The following HMGN3 variants were observed in gnomAD, a reference collection of about 807,000 sequenced individuals.
The protein encoded by HMGN3 is high mobility group nucleosome-binding domain-containing protein 3.
In HMGN3, 6 loss-of-function variants were observed where a neutral mutation model predicts 18.8. The observed-to-expected ratio is 0.32, with a 90% CI of 0.18 to 0.63. The LOEUF (loss-of-function observed/expected upper bound fraction) is 0.63, where lower values mean the gene tolerates loss of function less well. HMGN3 is among the 30% of genes least tolerant of loss of function. The probability of loss-of-function intolerance (pLI) is 0.79; values close to 1 mark genes in which losing one functional copy is unlikely to be tolerated. For synonymous variants in HMGN3, 40 were observed against 36.5 expected (o/e 1.10, Z -0.35); for missense variants, 107 against 114.2 (o/e 0.94, Z 0.29).
At chr6:79,213,490 A>G (rs1329225410) in intron 2 of HMGN3, among the ~76,000 whole-genome samples, 1 of 18,532 alleles carries the variant, frequency 5.4e-5, no homozygotes, top group Non-Finnish European at 2.2e-4. Context: ...AATCTTAAAA[A>G]CATTTAAGGT....
chr6:79,215,068 C>A (rs1776906069), intron 1 of HMGN3, 46 bp from the exon 2 acceptor site: 6 of 1,092,486 alleles, frequency 5.5e-6, no homozygotes, highest in South Asian at 1.4e-5. Flanking sequence ...TTGGAAAACA[C>A]ACATTAGAAA....
intron 1 of HMGN3, among the ~76,000 whole-genome samples, chr6:79,220,559 G>A (rs944294043): frequency 6.6e-6 from 1 of 152,152 alleles, no homozygotes; most frequent in African/African-American, 2.4e-5. Flanking sequence ...CGATTCTCCT[G>A]CCTCAGCCTC....
rs1776966503 is a variant in HMGN3 at position 79,216,038 on chromosome 6, T to C, written c.16-1016A>G. Reference sequence around the variant, plus strand: ...TGTGGTAATGCCTCATCTGATAAAATGAGAACAAAATTCAAGAGATCATAA... The same window carrying C: ...TGTGGTAATGCCTCATCTGATAAAACGAGAACAAAATTCAAGAGATCATAA... On this transcript the variant is annotated intron_variant, in intron 1 of 5. Transcript: ENST00000344726. Among the ~76,000 whole-genome samples the C allele has an allele frequency of 2.0e-5, 3 of 152,190 alleles. No homozygotes were observed. In the South Asian group the frequency reaches 6.2e-4, roughly 32 times the overall value.
intron 1 of HMGN3, among the ~76,000 whole-genome samples, chr6:79,228,895 C>T (rs113746762): frequency 0.013 from 1,958 of 152,152 alleles, 44 homozygotes; most frequent in African/African-American, 0.045. Context: ...GGTATAAGAA[C>T]GACATACAGA....
intron 1 of HMGN3, among the ~76,000 whole-genome samples, chr6:79,221,769 C>T (rs1055102789): frequency 2.6e-5 from 4 of 152,064 alleles, no homozygotes; most frequent in African/African-American, 7.2e-5. Flanking sequence ...AGAAGTTTAA[C>T]GCTACTGCAC....
intron 1 of HMGN3, 86 bp downstream of exon 1, chr6:79,234,460 C>T: frequency 7.5e-7 from 1 of 1,330,062 alleles, no homozygotes; most frequent in South Asian, 1.2e-5. Flanking sequence ...TACTACCGCG[C>T]GCGTTCTGCG....
intron 3 of HMGN3, 79 bp from the exon 4 acceptor site, chr6:79,203,709 A>C (rs149322005): frequency 9.4e-7 from 1 of 1,065,890 alleles, no homozygotes; most frequent in African/African-American, 1.6e-5. Flanking sequence ...AAAAGGACTA[A>C]CAAAGACAAC....
At chr6:79,214,447 C>T (rs944467296) in intron 2 of HMGN3, among the ~76,000 whole-genome samples, 2 of 152,086 alleles carry the variant, frequency 1.3e-5, no homozygotes, top group East Asian at 1.9e-4. Context: ...GTGATCCGCC[C>T]GCCTCGGCCA....
At chr6:79,220,957 A>T (rs1452268797) in intron 1 of HMGN3, among the ~76,000 whole-genome samples, 1 of 152,176 alleles carries the variant, frequency 6.6e-6, no homozygotes, top group Non-Finnish European at 1.5e-5. Context: ...GCCTGAAATG[A>T]ACAATGATTT....
chr6:79,206,968 C>G (rs1776452746), intron 3 of HMGN3, among the ~76,000 whole-genome samples: 1 of 152,216 alleles, frequency 6.6e-6, no homozygotes, highest in African/African-American at 2.4e-5. Flanking sequence ...TTCGGACTTG[C>G]ATGAGGCCTG....
At chr6:79,227,010 G>C (rs866671018) in intron 1 of HMGN3, among the ~76,000 whole-genome samples, 1 of 152,234 alleles carries the variant, frequency 6.6e-6, no homozygotes, top group African/African-American at 2.4e-5. Flanking sequence ...TGTTAACTTC[G>C]ACAGTGATTT....
At chr6:79,208,911 A>G (rs1776551386) in intron 2 of HMGN3, among the ~76,000 whole-genome samples, 1 of 152,216 alleles carries the variant, frequency 6.6e-6, no homozygotes, top group Non-Finnish European at 1.5e-5. Flanking sequence ...CAACAGCAAG[A>G]ACATTGAGGT....
At chr6:79,234,453 T>G (rs1417337600) in intron 1 of HMGN3, 93 bp downstream of exon 1, 12 of 1,250,934 alleles carry the variant, frequency 9.6e-6, no homozygotes, top group Non-Finnish European at 1.2e-5. Flanking sequence ...CCCGGGTTAC[T>G]ACCGCGCGCG....
intron 2 of HMGN3, among the ~76,000 whole-genome samples, chr6:79,211,465 G>GTT (rs58861121): frequency 1.5e-5 from 2 of 135,358 alleles, no homozygotes; most frequent in African/African-American, 2.7e-5. Context: ...AATTTCTCTT[G>GTT]TTTTTTTTTT....
intron 1 of HMGN3, among the ~76,000 whole-genome samples, chr6:79,216,691 T>G (rs965440081): frequency 1.8e-4 from 28 of 152,218 alleles, no homozygotes; most frequent in Non-Finnish European, 1.8e-4. Context: ...AATATTTCGT[T>G]TATAGATCTT....
chr6:79,216,287 A>G (rs1181244837), intron 1 of HMGN3, among the ~76,000 whole-genome samples: 1 of 152,190 alleles, frequency 6.6e-6, no homozygotes, highest in Non-Finnish European at 1.5e-5. Context: ...ATAATAGAGA[A>G]ATGATTAAGT....
chr6:79,214,242 C>T (rs1166804782), intron 2 of HMGN3, among the ~76,000 whole-genome samples: 2 of 150,798 alleles, frequency 1.3e-5, no homozygotes, highest in Non-Finnish European at 3.0e-5. Context: ...CGCTCTGTCA[C>T]CCAGGCTGGA....
At chr6:79,208,747 C>T (rs147139383) in intron 2 of HMGN3, among the ~76,000 whole-genome samples, 171 bp from the exon 3 acceptor site, 88 of 152,208 alleles carry the variant, frequency 5.8e-4, no homozygotes, top group African/African-American at 1.8e-3. Flanking sequence ...CCCCTGGGCA[C>T]GATGACACTC....
chr6:79,202,240 CT>C (rs1267336014), intron 5 of HMGN3, 35 bp downstream of exon 5: 4 of 1,613,702 alleles, frequency 2.5e-6, no homozygotes, highest in Non-Finnish European at 3.4e-6. Context: ...TTTAAAGACA[CT>C]GATTCAATCA....
Sources: allele counts gnomAD v4.1 joint callset (sites outside exome capture counted in the v4.1 genomes callset), GRCh38; gene constraint gnomAD v4.1.1; transcripts MANE v1.5; gene names NCBI Gene and HGNC (gene_info 2026-07-23, HGNC 2026-07-21).